The following PPP1R9A variants were observed in gnomAD, a reference collection of about 807,000 sequenced individuals.
The protein encoded by PPP1R9A is protein phosphatase 1 regulatory subunit 9A.
A neutral mutation model predicts 141.9 loss-of-function variants in PPP1R9A; 59 were observed. The ratio of observed to expected loss-of-function variants is 0.42; its 90% CI spans 0.34 to 0.52. The LOEUF (loss-of-function observed/expected upper bound fraction) is 0.52. Among genes scored for constraint, PPP1R9A ranks in the 20% least tolerant of loss-of-function variants. The pLI is 0.10. For missense variants in PPP1R9A, 1,444 were observed against 1,611.9 expected, an observed-to-expected ratio of 0.90 and a Z score of 1.78; for synonymous variants, 500 against 569.7, an observed-to-expected ratio of 0.88 and a Z score of 1.74.
chr7:95,285,189 C>G (rs1448246720), intron 17 of PPP1R9A, among the ~76,000 whole-genome samples: 1 of 152,112 alleles, frequency 6.6e-6, no homozygotes, highest in Non-Finnish European at 1.5e-5. Flanking sequence ...TTTTTGATAA[C>G]CAACTAAACC....
At chr7:94,991,220 C>T (rs1801464909) in intron 2 of PPP1R9A, among the ~76,000 whole-genome samples, 1 of 152,078 alleles carries the variant, frequency 6.6e-6, no homozygotes, top group African/African-American at 2.4e-5. Context: ...TTGATAATAG[C>T]CATTTTAGAA....
chr7:94,910,796 A>C lies in PPP1R9A; in HGVS notation c.683A>C (p.Tyr228Ser). ...IISEKAENNE[Y>S]SVTGHYPLNL... ...TCTGAGAAGGCTGAAAACAATGAAT[A>C]CTCAGTGACTGGGCATTATCCCTTG... Residue 228 changes from tyrosine (Y) to serine (S), a missense_variant, in exon 2 of 20, where the codon TAC becomes TCC. This residue lies in a region of PPP1R9A where 490 missense variants were observed against 521.1 expected (regional missense o/e 0.94). Coordinates refer to ENST00000433360, the MANE Select transcript of PPP1R9A (RefSeq NM_001166160.2). The surrounding 1 kb of genome is among the most constrained non-coding windows in gnomAD (Gnocchi z 4.5). 3 of 1,613,854 alleles carry C rather than the reference A, an allele frequency of 1.9e-6. No individual in the cohort carries two copies. The highest frequency in any genetic ancestry group is 2.5e-6 in the Non-Finnish European group (3 of 1,179,904).
chr7:95,071,571 T>G (rs1317303192), intron 2 of PPP1R9A, among the ~76,000 whole-genome samples: 3 of 151,996 alleles, frequency 2.0e-5, no homozygotes, highest in African/African-American at 7.2e-5. Flanking sequence ...CACTTTTATT[T>G]CTTTTAAATG....
chr7:94,974,943 G>A (rs1173555090), intron 2 of PPP1R9A, among the ~76,000 whole-genome samples: 1 of 152,186 alleles, frequency 6.6e-6, no homozygotes, highest in Non-Finnish European at 1.5e-5. Flanking sequence ...CTGGTAAGCA[G>A]TAATAGAATT....
intron 2 of PPP1R9A, among the ~76,000 whole-genome samples, chr7:95,057,210 G>T (rs1019399142): frequency 6.6e-6 from 1 of 151,912 alleles, no homozygotes; most frequent in South Asian, 2.1e-4. Context: ...TAATTTGGGG[G>T]ATTTCAAATA....
At chr7:95,078,193 A>C (rs1455002248) in intron 2 of PPP1R9A, among the ~76,000 whole-genome samples, 2 of 133,468 alleles carry the variant, frequency 1.5e-5, no homozygotes, top group African/African-American at 5.7e-5. Context: ...ATGTGTTCTC[A>C]CTGTTCAATT....
chr7:94,971,990 A>G (rs1386356769), intron 2 of PPP1R9A, among the ~76,000 whole-genome samples: 2 of 152,218 alleles, frequency 1.3e-5, no homozygotes, highest in East Asian at 1.9e-4. Context: ...CAATTTATTT[A>G]CATACTTCAG....
chr7:95,007,828 T>G (rs1354398500), intron 2 of PPP1R9A, among the ~76,000 whole-genome samples: 1 of 152,142 alleles, frequency 6.6e-6, no homozygotes, highest in Non-Finnish European at 1.5e-5. Flanking sequence ...TACCAGCACT[T>G]TGGGAGGCCG....
Position 95,251,853 on chromosome 7 carries a change from G to A in PPP1R9A, c.2488G>A (p.Val830Met). 6.2e-7 allele frequency: 1 copy of A among 1,613,870 alleles called. No homozygotes were observed. The highest frequency in any genetic ancestry group is 8.5e-7 in the Non-Finnish European group (1 of 1,179,872). Residue 830 changes from valine (V) to methionine (M), a missense_variant, in exon 11 of 20, where the codon GTG becomes ATG. Val to Met is a conservative substitution (Grantham distance 21). Transcript: ENST00000433360. ...TCTTGTGGAAGTGCAAGGCCTCCAAGTGCGGGTAAGTTGTGTTCCCTAAGA... is the reference window on the plus strand; with the variant it reads ...TCTTGTGGAAGTGCAAGGCCTCCAAATGCGGGTAAGTTGTGTTCCCTAAGA... ...AHLVEVQGLQ[V>M]RIRDLEAEVF...
intron 2 of PPP1R9A, among the ~76,000 whole-genome samples, chr7:95,007,181 C>A (rs1011934533): frequency 5.3e-5 from 8 of 152,068 alleles, no homozygotes; most frequent in African/African-American, 9.7e-5. Flanking sequence ...TTTTGAATGG[C>A]CATCCTAAAT....
intron 12 of PPP1R9A, among the ~76,000 whole-genome samples, chr7:95,265,278 T>C (rs1055199113): frequency 1.3e-5 from 2 of 152,160 alleles, no homozygotes; most frequent in Admixed American, 1.3e-4. Flanking sequence ...AGACTTGAGA[T>C]TGACCTTCCA....
At chr7:95,168,331 C>T (rs1434961183) in intron 5 of PPP1R9A, among the ~76,000 whole-genome samples, 1 of 151,772 alleles carries the variant, frequency 6.6e-6, no homozygotes, top group Admixed American at 6.6e-5. Context: ...GGGAAAATTG[C>T]TTATCTATTT....
chr7:94,963,427 A>G (rs537750027), intron 2 of PPP1R9A, among the ~76,000 whole-genome samples: 1 of 152,278 alleles, frequency 6.6e-6, no homozygotes, highest in East Asian at 1.9e-4. Context: ...AGCCACAATC[A>G]ATTTTAGAAA....
At chr7:95,017,767 C>T (rs530304553) in intron 2 of PPP1R9A, among the ~76,000 whole-genome samples, 1 of 152,266 alleles carries the variant, frequency 6.6e-6, no homozygotes, top group African/African-American at 2.4e-5. Context: ...GATAGAGAAT[C>T]TAAAAGTAGG....
intron 2 of PPP1R9A, among the ~76,000 whole-genome samples, chr7:94,942,729 G>A (rs1795467684): frequency 6.6e-6 from 1 of 151,874 alleles, no homozygotes; most frequent in Non-Finnish European, 1.5e-5. Context: ...ACTTGAACCT[G>A]GGAGGCAGAG....
chr7:95,000,349 C>A (rs1802747251), intron 2 of PPP1R9A, among the ~76,000 whole-genome samples: 1 of 152,112 alleles, frequency 6.6e-6, no homozygotes, highest in African/African-American at 2.4e-5. Flanking sequence ...CTGTTGATTT[C>A]ATGTAGATTT....
At chr7:95,267,621 T>C (rs1801502994) in intron 12 of PPP1R9A, among the ~76,000 whole-genome samples, 1 of 152,162 alleles carries the variant, frequency 6.6e-6, no homozygotes, top group African/African-American at 2.4e-5. Flanking sequence ...AGAGGACTAA[T>C]TGAATTCTCT....
At position 95,208,370 on chromosome 7, in the gene PPP1R9A, G is replaced by C. The variant is rs1201692692; in HGVS notation, c.1956+4640G>C. 3.9e-5 allele frequency among the ~76,000 whole-genome samples: 6 copies of C among 152,194 alleles called. No homozygotes were observed. The East Asian group carries it at 5.8e-4, about 15-fold the overall frequency. On this transcript the variant is annotated intron_variant, in intron 7 of 19. Transcript: ENST00000433360. ...TGGACTGACTACGTAAATGTGAAAA[G>C]CAAAAATATAAAATTTGGAAGATAG... is the stretch of plus-strand genomic sequence containing the variant.
intron 16 of PPP1R9A, among the ~76,000 whole-genome samples, chr7:95,277,627 A>T (rs1803443097): frequency 6.6e-6 from 1 of 151,886 alleles, no homozygotes; most frequent in African/African-American, 2.4e-5. Context: ...GGGTCTTGCT[A>T]TGTTGCCCAG....
Sources: gnomAD v4.1 joint callset for allele counts (sites outside exome capture counted in the v4.1 genomes callset) on GRCh38, gnomAD v4.1.1 for gene constraint, gnomAD v4.1.1 regional missense constraint, Gnocchi (gnomAD v3.1) non-coding constraint, MANE v1.5 for transcripts, NCBI Gene and HGNC (gene_info 2026-07-23, HGNC 2026-07-21) for gene names.